ABL1: variants seen among roughly 807,000 people sequenced by gnomAD.
ABL1 encodes the protein ABL proto-oncogene 1, non-receptor tyrosine kinase, also known as tyrosine-protein kinase ABL1.
A neutral mutation model predicts 94.7 loss-of-function variants in ABL1; 11 were observed. That is an observed-to-expected ratio of 0.12 (90% CI 0.07 to 0.19). ABL1 has a LOEUF of 0.19. Ranked by LOEUF, ABL1 falls within the 10% of genes least tolerant of loss-of-function variation. ABL1 has a pLI of 1.00. For synonymous variants in ABL1, 656 were observed against 622.4 expected, an observed-to-expected ratio of 1.05 and a Z score of -0.80; for missense variants, 1,082 against 1,489.4, an observed-to-expected ratio of 0.73 and a Z score of 4.50.
chr9:130,878,511 A>G lies in ABL1; in HGVS notation c.1367A>G (p.Tyr456Cys), dbSNP rs781072200. ...GTGTATGAGCTGCTAGAGAAGGACT[A>G]CCGCATGGAGCGCCCAGAAGGCTGC... The part of the protein sequence containing the change: ...SQVYELLEKD[Y>C]RMERPEGCPE... Residue 456 changes from tyrosine to cysteine, a missense_variant, in exon 8 of 11, where the codon TAC becomes TGC. Tyr to Cys is a radical substitution (Grantham distance 194, BLOSUM62 -2). Around this residue, in one of 7 missense-constraint regions of ABL1, gnomAD observed 76 missense variants for 177.1 expected, o/e 0.43. Transcript: ENST00000318560. The G allele has an allele frequency of 5.0e-6, 8 of 1,614,230 alleles. No individual in the cohort carries two copies. The highest frequency in any genetic ancestry group is 1.1e-5 in the South Asian group (1 of 91,090).
intron 1 of ABL1, among the ~76,000 whole-genome samples, chr9:130,761,504 A>C (rs764692988): frequency 1.3e-5 from 2 of 152,218 alleles, no homozygotes; most frequent in Non-Finnish European, 2.9e-5. Flanking sequence ...AAATCAAGAC[A>C]TGCTGAAAAA....
chr9:130,741,537 C>G (rs2855184), intron 1 of ABL1, among the ~76,000 whole-genome samples: 29,855 of 147,018 alleles, frequency 0.2, 3,512 homozygotes, highest in Middle Eastern at 0.4. Context: ...TAGTTACCAT[C>G]CCAGAGTAAC....
exon 1 of ABL1, among the ~76,000 whole-genome samples, chr9:130,713,420 C>T (rs1831396387): frequency 1.3e-5 from 2 of 152,204 alleles, no homozygotes; most frequent in East Asian, 1.9e-4. Flanking sequence ...ACCCCGTTTT[C>T]TGAGGCGTGG....
At position 130,818,202 on chromosome 9, in the gene ABL1, G is replaced by A. The variant is rs76388818; in HGVS notation, c.137-35862G>A. On this transcript the variant is annotated intron_variant, in intron 1 of 10. Coordinates refer to the ABL1 transcript ENST00000372348. Reference sequence around the variant, plus strand: ...TCAGTTTATCGGGCCAGGCTGGGTGGCTTATGCCTATAATCCCAGCACTTT... The same window carrying A: ...TCAGTTTATCGGGCCAGGCTGGGTGACTTATGCCTATAATCCCAGCACTTT... 9.0e-4 allele frequency among the ~76,000 whole-genome samples: 137 copies of A among 152,312 alleles called. 2 individuals carry two copies. The East Asian group carries it at 0.018, about 20-fold the overall frequency.
At chr9:130,819,774 C>G (rs1830335851) in intron 1 of ABL1, among the ~76,000 whole-genome samples, 1 of 151,952 alleles carries the variant, frequency 6.6e-6, no homozygotes, top group African/African-American at 2.4e-5. Flanking sequence ...AACTCCTGAC[C>G]TCGTGATCCG....
intron 1 of ABL1, among the ~76,000 whole-genome samples, chr9:130,764,472 C>G (rs1371883250): frequency 1.3e-5 from 2 of 152,186 alleles, no homozygotes; most frequent in African/African-American, 4.8e-5. Context: ...CTTCTTGTAA[C>G]AATGTGTTTA....
At chr9:130,839,618 T>G (rs759136249) in intron 1 of ABL1, among the ~76,000 whole-genome samples, 22 of 152,164 alleles carry the variant, frequency 1.4e-4, no homozygotes, top group South Asian at 4.1e-4. Flanking sequence ...ACTTTTCAAT[T>G]TGGAGGCAGG....
chr9:130,876,729 G>A (rs888980242), intron 7 of ABL1, among the ~76,000 whole-genome samples: 1 of 115,360 alleles, frequency 8.7e-6, no homozygotes, highest in African/African-American at 3.4e-5. Flanking sequence ...CCACAAGTTG[G>A]TTTCTTTTTT....
Position 130,814,561 on chromosome 9 carries a change from AC to A in ABL1, c.137-39502del, listed in dbSNP as rs1830257224. Among the ~76,000 whole-genome samples the A allele has an allele frequency of 6.6e-6, 1 of 152,226 alleles. No individual in the cohort carries two copies. Among genetic ancestry groups the A allele is most frequent in the Non-Finnish European group, 1.5e-5 (1 of 68,040 alleles). On this transcript the variant is annotated intron_variant, in intron 1 of 10. Transcript: ENST00000372348. The surrounding 1 kb of genome is among the most constrained non-coding windows in gnomAD (Gnocchi z 4.4). The stretch of plus-strand genomic sequence containing the variant: ...AGAAGAAACAGATTCCTTGAATGAC[AC>A]AAACTACCAAAGTTCACTCAAGAAG...
intron 1 of ABL1, among the ~76,000 whole-genome samples, chr9:130,726,252 A>G (rs539366893): frequency 2.3e-5 from 3 of 127,840 alleles, no homozygotes. Flanking sequence ...ATACCTCTGC[A>G]TTCCACTATC....
In ABL1 at chr9:130,757,403, A is replaced by G. The variant is rs116346687; in HGVS notation, c.136+42948A>G. ...CGATGAAACCTGGTCCCTGTAAAAA[A>G]TACAAAAATTAGCTGGGGCATGGTA... On this transcript the variant is annotated intron_variant, in intron 1 of 10. Coordinates refer to the ABL1 transcript ENST00000372348. Among the ~76,000 whole-genome samples, 1,093 of 152,222 alleles carry G rather than the reference A, an allele frequency of 7.2e-3. 20 individuals carry two copies. Among genetic ancestry groups the G allele is most frequent in the African/African-American group, 0.026 (1,066 of 41,560 alleles).
intron 8 of ABL1, 29 bp downstream of exon 8, chr9:130,878,596 G>A (rs201144648): frequency 1.2e-6 from 2 of 1,608,560 alleles, no homozygotes; most frequent in Non-Finnish European, 1.7e-6. Context: ...GTTCTCACGA[G>A]TATATGTGGG....
chr9:130,771,988 A>T lies in ABL1; in HGVS notation c.136+57533A>T, dbSNP rs150209020. Among the ~76,000 whole-genome samples, 957 of 152,258 alleles carry T rather than the reference A, an allele frequency of 6.3e-3. 10 individuals are homozygous for T. Among genetic ancestry groups the T allele is most frequent in the South Asian group, 0.025 (121 of 4,820 alleles). ...AGGCTGGTCTCAAACTCCTGGCCTC[A>T]GGTGAGCCGCCAGCCTTGGCCTCCC... On this transcript the variant is annotated intron_variant, in intron 1 of 10. Transcript: ENST00000372348.
chr9:130,833,994 A>G (rs1224349709), upstream of ABL1: 1 of 455,942 alleles, frequency 2.2e-6, no homozygotes, highest in African/African-American at 2.0e-5. Context: ...GTGAAGGGTC[A>G]GCATCATCCA....
chr9:130,758,860 G>C (rs1161827931), intron 1 of ABL1, among the ~76,000 whole-genome samples: 2 of 152,144 alleles, frequency 1.3e-5, no homozygotes, highest in African/African-American at 4.8e-5. Context: ...GCATCTCATC[G>C]ATTTGCTGAG....
intron 1 of ABL1, among the ~76,000 whole-genome samples, chr9:130,851,356 A>C (rs976933120): frequency 6.6e-6 from 1 of 152,132 alleles, no homozygotes; most frequent in African/African-American, 2.4e-5. Context: ...AAAATTACCA[A>C]ATATTGTAAT....
Position 130,880,662 on chromosome 9 carries a change from G to T in ABL1, c.1676G>T (p.Ser559Ile). ...CCTCACTCCAAGGGCCAGGGAGAGA[G>T]CGGTAAGTCCCCCGCTTCCCCCAAC... ...EMPHSKGQGE[S>I]DPLDHEPAVS... Residue 559 changes from serine to isoleucine, a missense_variant and splice_region_variant, in exon 10 of 11, where the codon AGC becomes ATC. Around this residue, in one of 7 missense-constraint regions of ABL1, gnomAD observed 780 missense variants for 835.8 expected, o/e 0.93. Coordinates refer to ENST00000318560, the MANE Select transcript of ABL1 (RefSeq NM_005157.6). This position sits in a 1 kb window ranked among gnomAD's most constrained non-coding sequence, Gnocchi z 4.4. 6.2e-7 allele frequency: 1 copy of T among 1,613,070 alleles called. No individual in the cohort carries two copies. Among genetic ancestry groups the T allele is most frequent in the Non-Finnish European group, 8.5e-7 (1 of 1,179,652 alleles).
chr9:130,882,260 G>T (rs1453528234), intron 10 of ABL1, among the ~76,000 whole-genome samples: 1 of 152,176 alleles, frequency 6.6e-6, no homozygotes, highest in Non-Finnish European at 1.5e-5. Flanking sequence ...GTGATCTCTT[G>T]GTGAGCCGAG....
At position 130,887,326 on chromosome 9, in the gene ABL1, C is replaced by A. The variant is rs375642071; in HGVS notation, c.*1643C>A. On this transcript the variant is annotated 3_prime_UTR_variant, in exon 11 of 11. Coordinates refer to ENST00000318560, the MANE Select transcript of ABL1 (RefSeq NM_005157.6). ...CTCTTTGCCCCCGACGGCTGTGACG[C>A]AGCCGGAGGGAGGCACTAGTCACCG... 2.6e-4 allele frequency: 60 copies of A among 233,334 alleles called. No individual in the cohort carries two copies. The highest frequency in any genetic ancestry group is 1.3e-3 in the African/African-American group (59 of 45,494). 14.5% of individuals were successfully genotyped at this position (233,334 alleles called of 1,614,324 possible).
Sources: gnomAD v4.1 joint callset for allele counts (sites outside exome capture counted in the v4.1 genomes callset) on GRCh38, gnomAD v4.1.1 for gene constraint, gnomAD v4.1.1 regional missense constraint, Gnocchi (gnomAD v3.1) non-coding constraint, MANE v1.5 for transcripts, NCBI Gene and HGNC (gene_info 2026-07-23, HGNC 2026-07-21) for gene names.